Variants in ANKRD36B observed in about 807,000 individuals in gnomAD.
The protein encoded by ANKRD36B is ankyrin repeat domain-containing protein 36B.
Under a neutral mutation model 135.7 loss-of-function variants are expected in ANKRD36B, and 37 were observed. The ratio of observed to expected loss-of-function variants is 0.27; its 90% CI spans 0.21 to 0.36. ANKRD36B has a LOEUF of 0.36. Ranked by LOEUF, ANKRD36B falls within the 10% of genes least tolerant of loss-of-function variation. The pLI is 1.00. For synonymous variants in ANKRD36B, 179 were observed against 348.1 expected (o/e 0.51, Z 5.41); for missense variants, 549 against 1,037.1 (o/e 0.53, Z 6.46).
At chr2:97,563,865 ACC>A (rs2081232480) in intron 6 of ANKRD36B, among the ~76,000 whole-genome samples, 1 of 152,160 alleles carries the variant, frequency 6.6e-6, no homozygotes, top group Non-Finnish European at 1.5e-5. Context: ...CTGGTATGTC[ACC>A]ATATTTATGT....
At chr2:97,547,433 T>C (rs1576918828) in intron 22 of ANKRD36B, 103 bp downstream of exon 22, 1 of 1,208,808 alleles carries the variant, frequency 8.3e-7, no homozygotes, top group African/African-American at 1.5e-5. Flanking sequence ...GACTGCTGAA[T>C]CAGAATGTGC....
intron 6 of ANKRD36B, among the ~76,000 whole-genome samples, chr2:97,569,480 C>T (rs1234191695): frequency 6.7e-6 from 1 of 149,592 alleles, no homozygotes; most frequent in African/African-American, 2.5e-5. Context: ...ATGGCGGGTA[C>T]ATTTATTATA....
Position 97,549,455 on chromosome 2 carries a change from C to G in ANKRD36B, c.1441G>C (p.Ala481Pro), listed in dbSNP as rs748459207. ...TTTTCTCCATCCTTTTTTTCTCTGG[C>G]TATATTCAAAACAGAATCTTCCTTG... ...SVKEDSVLNI[A>P]REKKDGEKSR... Residue 481 changes from alanine (A) to proline (P), a missense_variant, in exon 20 of 44, where the codon GCC becomes CCC. Transcript: ENST00000359901. 1.1e-5 allele frequency: 17 copies of G among 1,585,874 alleles called. No individual in the cohort carries two copies. Among genetic ancestry groups the G allele is most frequent in the Non-Finnish European group, 1.5e-5 (17 of 1,165,848 alleles).
rs1173627054 is a variant in ANKRD36B at position 97,530,261 on chromosome 2, A to C, written c.2265+2050T>G. On this transcript the variant is annotated intron_variant, in intron 35 of 43. Coordinates refer to ENST00000359901, the MANE Select transcript of ANKRD36B (RefSeq NM_001393939.1). ...TCAGAAATAATGCCACATATCTACAACTATCTGATCTTTGACAACCCTGAG... is the reference window on the plus strand; with the variant it reads ...TCAGAAATAATGCCACATATCTACACCTATCTGATCTTTGACAACCCTGAG... 6.3e-5 allele frequency among the ~76,000 whole-genome samples: 6 copies of C among 95,712 alleles called. 1 individual carries two copies. Among genetic ancestry groups the C allele is most frequent in the African/African-American group, 1.9e-4 (6 of 31,614 alleles). 62.8% of individuals were successfully genotyped at this position (95,712 alleles called of 152,430 possible).
At position 97,578,929 on chromosome 2, in the gene ANKRD36B, A is replaced by C; in HGVS notation, c.672T>G (p.Tyr224Ter). 6.2e-6 allele frequency: 10 copies of C among 1,613,020 alleles called. No individual in the cohort carries two copies. The highest frequency in any genetic ancestry group is 6.8e-6 in the Non-Finnish European group (8 of 1,179,208). The change falls in exon 5 of 44, where the codon TAT becomes TAG. Residue 224 changes from tyrosine (Y) to a stop codon, truncating the protein, a stop_gained. Coordinates refer to ENST00000359901, the MANE Select transcript of ANKRD36B (RefSeq NM_001393939.1). LOFTEE classifies it high-confidence loss of function. The part of the protein sequence containing the change: ...RDVYGKLAED[Y>*]ASEAENRVIF... ...ACACTCTATTCTCAGCCTCACTGGCATAATCTTCTGCAAGCTTTCCATACA... is the reference window on the plus strand; with the variant it reads ...ACACTCTATTCTCAGCCTCACTGGCCTAATCTTCTGCAAGCTTTCCATACA...
intron 6 of ANKRD36B, among the ~76,000 whole-genome samples, chr2:97,562,933 G>T (rs377548737): frequency 1.3e-5 from 2 of 151,590 alleles, no homozygotes; most frequent in Admixed American, 6.6e-5. Flanking sequence ...TTATTTTGTC[G>T]CTATGCTTTC....
intron 35 of ANKRD36B, among the ~76,000 whole-genome samples, chr2:97,529,673 A>G (rs1218776219): frequency 1.0e-5 from 1 of 96,044 alleles, no homozygotes; most frequent in Admixed American, 9.2e-5. Context: ...TCAGCCCAAA[A>G]TCTCCTTAAG....
chr2:97,551,434 A>T lies in ANKRD36B; in HGVS notation c.1302+18T>A. On this transcript the variant is annotated intron_variant, in intron 17 of 43. Transcript: ENST00000359901. ...CTATACGTTTACTAGCTCACAATAT[A>T]AATGAGAGTTTCATTACCTTCAAGG... 6.2e-7 allele frequency: 1 copy of T among 1,606,672 alleles called. No individual in the cohort carries two copies. Among genetic ancestry groups the T allele is most frequent in the Non-Finnish European group, 8.5e-7 (1 of 1,178,792 alleles).
intron 6 of ANKRD36B, among the ~76,000 whole-genome samples, chr2:97,573,538 C>T (rs2082027049): frequency 1.3e-5 from 2 of 152,110 alleles, no homozygotes; most frequent in African/African-American, 2.4e-5. Context: ...GAAAAAACTA[C>T]TTTAAAGTTC....
At chr2:97,556,590 A>G (rs2080547175) in intron 12 of ANKRD36B, among the ~76,000 whole-genome samples, 1 of 151,840 alleles carries the variant, frequency 6.6e-6, no homozygotes, top group South Asian at 2.1e-4. Flanking sequence ...ACCATCTGAC[A>G]TCTATAATTT....
Position 97,555,086 on chromosome 2 carries a change from A to G in ANKRD36B, c.1145T>C (p.Ile382Thr). Reference protein sequence around the residue: ...TDSALNTATEIKDGLQCGTVS... With the variant: ...TDSALNTATETKDGLQCGTVS... ...TGTCCCACATTGTAGTCCATCCTTT[A>G]TTTCTGTAGCTGTATTCAAAGCAGA... The change falls in exon 14 of 44, where the codon ATA becomes ACA. Residue 382 changes from isoleucine (I) to threonine (T), a missense_variant. By Grantham distance (89) the Ile-to-Thr change is moderately conservative. Transcript: ENST00000359901. 6.2e-7 allele frequency: 1 copy of G among 1,611,868 alleles called. No homozygotes were observed. The highest frequency in any genetic ancestry group is 2.2e-5 in the East Asian group (1 of 44,762).
intron 6 of ANKRD36B, among the ~76,000 whole-genome samples, chr2:97,574,299 C>A (rs1334524854): frequency 6.6e-6 from 1 of 152,198 alleles, no homozygotes; most frequent in Admixed American, 6.5e-5. Context: ...TGCTCATCAT[C>A]ACTGGCCATC....
chr2:97,536,735 T>TA lies in ANKRD36B; in HGVS notation c.2090-240dup, dbSNP rs1195232293. Among the ~76,000 whole-genome samples the TA allele has an allele frequency of 8.4e-5, 8 of 95,516 alleles. 4 individuals carry two copies. The highest frequency in any genetic ancestry group is 2.2e-4 in the Non-Finnish European group (8 of 35,932). 62.7% of individuals were successfully genotyped at this position (95,516 alleles called of 152,430 possible). On this transcript the variant is annotated intron_variant, in intron 32 of 43. Coordinates refer to ENST00000359901, the MANE Select transcript of ANKRD36B (RefSeq NM_001393939.1). ...TGAGATTATGCACCACATCTATTGC[T>TA]AAAAAAAAGTGTTAATATCAATGTG...
At chr2:97,514,998 G>T (rs1256475137) in intron 37 of ANKRD36B, among the ~76,000 whole-genome samples, 1 of 80,690 alleles carries the variant, frequency 1.2e-5, no homozygotes, top group East Asian at 2.4e-4. Context: ...CTGCCTCCCA[G>T]TTTCATGTGA....
Position 97,527,880 on chromosome 2 carries a change from C to G in ANKRD36B, c.2266-4413G>C, listed in dbSNP as rs1435789003. Among the ~76,000 whole-genome samples, 2 of 96,266 alleles carry G rather than the reference C, an allele frequency of 2.1e-5. 1 individual carries two copies. The highest frequency in any genetic ancestry group is 5.5e-5 in the Non-Finnish European group (2 of 36,254). 63.2% of individuals were successfully genotyped at this position (96,266 alleles called of 152,430 possible). A position where few individuals can be genotyped will look rare whatever the true frequency, so the allele number is the denominator to read the frequency against. On this transcript the variant is annotated intron_variant, in intron 35 of 43. Transcript: ENST00000359901. ...ATCCTAAATATATATGCACCCAATA[C>G]AGGAGCACCCAGATTCATAAGGCAA...
At chr2:97,547,035 A>G (rs2079532387) in intron 22 of ANKRD36B, among the ~76,000 whole-genome samples, 1 of 151,672 alleles carries the variant, frequency 6.6e-6, no homozygotes, top group African/African-American at 2.4e-5. Context: ...AAACCAGAAA[A>G]TTATATAAAA....
chr2:97,555,302 A>T, intron 12 of ANKRD36B, 48 bp from the exon 13 acceptor site: 1 of 1,605,928 alleles, frequency 6.2e-7, no homozygotes, highest in African/African-American at 1.3e-5. Flanking sequence ...AATATGATAA[A>T]GTTATCCATA....
intron 10 of ANKRD36B, among the ~76,000 whole-genome samples, 161 bp from the exon 11 acceptor site, chr2:97,557,293 C>A (rs927498701): frequency 6.6e-6 from 1 of 151,742 alleles, no homozygotes; most frequent in East Asian, 1.9e-4. Context: ...TGAGGAAATA[C>A]ACTGAAGAAA....
rs1249791237 is a variant in ANKRD36B at position 97,558,981 on chromosome 2, T to A, written c.879A>T (p.Lys293Asn). The A allele has an allele frequency of 6.2e-7, 1 of 1,603,614 alleles. No individual in the cohort carries two copies. The highest frequency in any genetic ancestry group is 8.5e-7 in the Non-Finnish European group (1 of 1,178,566). Residue 293 changes from lysine to asparagine, a missense_variant, in exon 9 of 44, where the codon AAA (lysine) becomes AAT (asparagine). Coordinates refer to ENST00000359901, the MANE Select transcript of ANKRD36B (RefSeq NM_001393939.1). ...CTTTAATTACCTTCTCAGCTGGTTG[T>A]TTCTGAGAAGACACTGAAAAGCAAA... ...GPISGTVSSQ[K>N]QPAEKATSDE...
Sources: allele counts gnomAD v4.1 joint callset (sites outside exome capture counted in the v4.1 genomes callset), GRCh38; gene constraint gnomAD v4.1.1; transcripts MANE v1.5; gene names NCBI Gene and HGNC (gene_info 2026-07-23, HGNC 2026-07-21).